GNG7: variants seen among roughly 807,000 people sequenced by gnomAD.
The protein encoded by GNG7 is G protein subunit gamma 7, also known as guanine nucleotide-binding protein G(I)/G(S)/G(O) subunit gamma-7.
Under a neutral mutation model 4.0 loss-of-function variants are expected in GNG7, and 1 was observed. The ratio of observed to expected loss-of-function variants is 0.25; its 90% CI spans 0.09 to 1.18. GNG7 has a LOEUF of 1.18. Ranked by LOEUF, GNG7 falls within the 50% of genes most tolerant of loss-of-function variation. The probability of loss-of-function intolerance (pLI) is 0.50; values close to 1 mark genes in which losing one functional copy is unlikely to be tolerated. For missense variants in GNG7, 86 were observed against 91.9 expected (o/e 0.94, Z 0.26); for synonymous variants, 34 against 36.9 (o/e 0.92, Z 0.29).
At position 2,515,155 on chromosome 19, in the gene GNG7, T is replaced by G. The variant is rs553525326; in HGVS notation, c.82-8A>C. ...AGACGCCGCTTTGGAGACCTGTGTTTGAGCACAAGGAGGAGACAGAGGAGA... is the reference window on the plus strand; with the variant it reads ...AGACGCCGCTTTGGAGACCTGTGTTGGAGCACAAGGAGGAGACAGAGGAGA... On this transcript the variant is annotated splice_region_variant and splice_polypyrimidine_tract_variant and intron_variant, in intron 4 of 4. Transcript: ENST00000382159. 1 of 1,613,654 alleles carries G rather than the reference T, an allele frequency of 6.2e-7. No homozygotes were observed. The highest frequency in any genetic ancestry group is 1.7e-5 in the Admixed American group (1 of 59,996).
intron 3 of GNG7, 116 bp from the exon 4 acceptor site, chr19:2,520,841 G>T: frequency 1.7e-6 from 1 of 596,602 alleles, no homozygotes; most frequent in Non-Finnish European, 3.0e-6. Context: ...CTTTGCCTCT[G>T]GGTGGGGACC....
Position 2,512,721 on chromosome 19 carries a change from C to T in GNG7, c.*2301G>A, listed in dbSNP as rs778301188. ...CCCCCTCCTCCCTCTGCCCTGGCAG[C>T]GGGGGCTCGGGGATTAAGGCCTCTT... On this transcript the variant is annotated 3_prime_UTR_variant, in exon 5 of 5. Transcript: ENST00000382159. The surrounding 1 kb of genome is among the most constrained non-coding windows in gnomAD (Gnocchi z 4.7). 4.9e-5 allele frequency: 10 copies of T among 203,296 alleles called. No individual in the cohort carries two copies. The highest frequency in any genetic ancestry group is 1.9e-4 in the East Asian group (1 of 5,374). The allele number at this position is 203,296 out of a possible 1,614,324, so 12.6% of individuals were successfully genotyped here. A position where few individuals can be genotyped will look rare whatever the true frequency, so the allele number is the denominator to read the frequency against.
intron 2 of GNG7, among the ~76,000 whole-genome samples, chr19:2,616,907 T>C (rs923217232): frequency 1.3e-5 from 2 of 152,148 alleles, no homozygotes; most frequent in Admixed American, 6.5e-5. Flanking sequence ...TCTGACTGTT[T>C]CCTCATCTGG....
intron 2 of GNG7, among the ~76,000 whole-genome samples, chr19:2,623,310 A>G (rs530354963): frequency 6.6e-6 from 1 of 152,240 alleles, no homozygotes; most frequent in Admixed American, 6.5e-5. Flanking sequence ...ACAGAGCAAG[A>G]CCAGGTCTCA....
At chr19:2,698,505 A>G (rs1014536871) in intron 1 of GNG7, among the ~76,000 whole-genome samples, 1 of 152,076 alleles carries the variant, frequency 6.6e-6, no homozygotes, top group Non-Finnish European at 1.5e-5. Flanking sequence ...CGGAGGTTGC[A>G]GTGAGCCAAG....
chr19:2,528,765 C>T (rs149478104), intron 3 of GNG7, among the ~76,000 whole-genome samples: 2 of 152,170 alleles, frequency 1.3e-5, no homozygotes, highest in Non-Finnish European at 2.9e-5. Context: ...GCCCCAGTGA[C>T]CTCTGTTGGA....
chr19:2,696,357 A>AGGG (rs1913262772), intron 1 of GNG7, among the ~76,000 whole-genome samples: 2 of 147,040 alleles, frequency 1.4e-5, no homozygotes, highest in East Asian at 3.9e-4. Context: ...AAAAGAAAGA[A>AGGG]AAGAAAGAAA....
chr19:2,659,305 G>A (rs573563983), intron 1 of GNG7, among the ~76,000 whole-genome samples: 25 of 150,550 alleles, frequency 1.7e-4, no homozygotes, highest in South Asian at 4.2e-4. Flanking sequence ...AGGGCCGGGC[G>A]CGGTGGCTCA....
intron 3 of GNG7, among the ~76,000 whole-genome samples, chr19:2,549,378 A>C (rs1489303681): frequency 1.3e-5 from 2 of 148,402 alleles, no homozygotes; most frequent in East Asian, 3.9e-4. Flanking sequence ...TGCAAACTCC[A>C]CCCCCTGGGT....
intron 1 of GNG7, among the ~76,000 whole-genome samples, chr19:2,688,887 G>A (rs570830203): frequency 1.3e-5 from 2 of 151,880 alleles, no homozygotes; most frequent in African/African-American, 4.8e-5. Context: ...GCAAAATAGC[G>A]AGACCTCATC....
chr19:2,622,821 G>T (rs1335777989), intron 2 of GNG7, among the ~76,000 whole-genome samples: 2 of 152,072 alleles, frequency 1.3e-5, no homozygotes, highest in African/African-American at 4.8e-5. Context: ...ACGCGGCAGA[G>T]AGGGGGCTTC....
intron 4 of GNG7, among the ~76,000 whole-genome samples, chr19:2,517,396 A>T (rs1049288371): frequency 1.3e-5 from 2 of 151,442 alleles, no homozygotes; most frequent in Admixed American, 1.3e-4. Context: ...ACAGAGTCTC[A>T]CTCTGTCAGC....
At chr19:2,518,559 C>T (rs1203737931) in intron 4 of GNG7, among the ~76,000 whole-genome samples, 3 of 152,154 alleles carry the variant, frequency 2.0e-5, no homozygotes, top group East Asian at 1.9e-4. Context: ...GGAGACTCAC[C>T]GGCCGATCAG....
chr19:2,630,832 C>G (rs1982141113), intron 2 of GNG7: 1 of 151,866 alleles, frequency 6.6e-6, no homozygotes, highest in Admixed American at 6.6e-5. Context: ...TCACTCTAAG[C>G]TACTGCATTC....
chr19:2,571,840 C>A (rs1009192924), intron 2 of GNG7, among the ~76,000 whole-genome samples: 1 of 151,898 alleles, frequency 6.6e-6, no homozygotes, highest in East Asian at 1.9e-4. Context: ...AGGTGATCTG[C>A]CCACCTTGGC....
chr19:2,611,279 C>T lies in GNG7; in HGVS notation c.-78+34945G>A, dbSNP rs1981555194. The stretch of plus-strand genomic sequence containing the variant: ...AGACTGACTTCAGGGGCGAGGAATT[C>T]CGCCTGGCGAGCGTCTAGACTGCGG... On this transcript the variant is annotated intron_variant, in intron 2 of 4. Transcript: ENST00000382159. The surrounding 1 kb of genome is among the most constrained non-coding windows in gnomAD (Gnocchi z 6.0). 1 of 152,262 alleles carries T rather than the reference C, an allele frequency of 6.6e-6. No homozygotes were observed. Among genetic ancestry groups the T allele is most frequent in the African/African-American group, 2.4e-5 (1 of 41,442 alleles). The allele number at this position is 152,262 out of a possible 1,614,324, so 9.4% of individuals were successfully genotyped here. A position where few individuals can be genotyped will look rare whatever the true frequency, so the allele number is the denominator to read the frequency against.
chr19:2,550,781 C>G (rs1422060513), intron 3 of GNG7, among the ~76,000 whole-genome samples: 3 of 152,202 alleles, frequency 2.0e-5, no homozygotes, highest in African/African-American at 7.2e-5. Context: ...ACAATGAGCC[C>G]TGCTCCCCAG....
chr19:2,621,110 C>T (rs924111621), intron 2 of GNG7, among the ~76,000 whole-genome samples: 7 of 152,146 alleles, frequency 4.6e-5, no homozygotes, highest in African/African-American at 1.7e-4. Flanking sequence ...ACCCCAGGAG[C>T]TTCCTGAGAC....
intron 3 of GNG7, among the ~76,000 whole-genome samples, chr19:2,523,129 A>G (rs1421182378): frequency 6.6e-6 from 1 of 151,784 alleles, no homozygotes; most frequent in East Asian, 2.0e-4. Flanking sequence ...GACCTCCCAA[A>G]GTGCTGGGAT....
Sources: gnomAD v4.1 joint callset for allele counts (sites outside exome capture counted in the v4.1 genomes callset) on GRCh38, gnomAD v4.1.1 for gene constraint, Gnocchi (gnomAD v3.1) non-coding constraint, MANE v1.5 for transcripts, NCBI Gene and HGNC (gene_info 2026-07-23, HGNC 2026-07-21) for gene names.